HYAL1: variants seen among roughly 807,000 people sequenced by gnomAD.
HYAL1 encodes the protein hyaluronidase-1.
In HYAL1, 21 loss-of-function variants were observed where a neutral mutation model predicts 28.8. The observed-to-expected ratio is 0.73, with a 90% CI of 0.52 to 1.05. The LOEUF (loss-of-function observed/expected upper bound fraction) is 1.05, where lower values mean the gene tolerates loss of function less well. Ranked by LOEUF, HYAL1 falls within the 50% of genes least tolerant of loss-of-function variation. The pLI, the probability that HYAL1 is intolerant of heterozygous loss-of-function variation, is 0.00. For missense variants in HYAL1, 491 were observed against 579.2 expected, an observed-to-expected ratio of 0.85 and a Z score of 1.56; for synonymous variants, 200 against 230.1, an observed-to-expected ratio of 0.87 and a Z score of 1.18.
At chr3:50,306,654 A>T (rs1418799542), upstream of HYAL1, among the ~76,000 whole-genome samples, 1 of 151,120 alleles carries the variant, frequency 6.6e-6, no homozygotes, top group Non-Finnish European at 1.5e-5. Context: ...TGGGAGGCCG[A>T]GGTGGGCGGG....
At chr3:50,309,379 G>A (rs1409767370) in intron 2 of HYAL1, among the ~76,000 whole-genome samples, 3 of 146,288 alleles carry the variant, frequency 2.1e-5, no homozygotes, top group Admixed American at 7.2e-5. Flanking sequence ...CAGTAGAATC[G>A]CTTGAACCTG....
chr3:50,307,418 C>T (rs1041914853), upstream of HYAL1, among the ~76,000 whole-genome samples: 1 of 150,266 alleles, frequency 6.7e-6, no homozygotes, highest in South Asian at 2.1e-4. Context: ...CAGTGGCTCA[C>T]GCTTGTAATC....
upstream of HYAL1, among the ~76,000 whole-genome samples, chr3:50,305,168 C>G (rs1553713802): frequency 6.6e-6 from 1 of 152,216 alleles, no homozygotes; most frequent in Non-Finnish European, 1.5e-5. Context: ...TGCCTGTGAC[C>G]TGGAAGCCCC....
chr3:50,307,981 G>A (rs1255802815), upstream of HYAL1, among the ~76,000 whole-genome samples: 3 of 150,520 alleles, frequency 2.0e-5, no homozygotes, highest in African/African-American at 7.5e-5. Flanking sequence ...GTTTTTAGTA[G>A]AGACAGGGTT....
Position 50,302,783 on chromosome 3 carries a change from C to T in HYAL1, c.174G>A (p.Val58=). ...GVDVDVSVFD[V]VANPGQTFRG... is the part of the protein sequence containing the mutation. ...GGAAGGTCTGCCCTGGGTTGGCTAC[C>T]ACATCGAAGACACTGACATCCACGT... Residue 58 remains valine (V), a synonymous_variant, in exon 2 of 4, where the codon GTG becomes GTA. Coordinates refer to ENST00000395144, the MANE Select transcript of HYAL1 (RefSeq NM_033159.4). The surrounding 1 kb of genome is among the most constrained non-coding windows in gnomAD (Gnocchi z 5.0). 6.2e-7 allele frequency: 1 copy of T among 1,614,026 alleles called. No individual in the cohort carries two copies. Among genetic ancestry groups the T allele is most frequent in the Non-Finnish European group, 8.5e-7 (1 of 1,180,024 alleles).
At chr3:50,307,011 A>G (rs1553714071), upstream of HYAL1, among the ~76,000 whole-genome samples, 1 of 150,756 alleles carries the variant, frequency 6.6e-6, no homozygotes, top group African/African-American at 2.5e-5. Context: ...CGGAGGTTGC[A>G]GTGAGCTGAG....
chr3:50,301,251 C>A (rs1702144237), intron 2 of HYAL1, among the ~76,000 whole-genome samples, 174 bp from the exon 3 acceptor site: 1 of 152,204 alleles, frequency 6.6e-6, no homozygotes, highest in African/African-American at 2.4e-5. Context: ...CAGACAGGGA[C>A]TACATCATTC....
chr3:50,306,183 T>C (rs145087297), upstream of HYAL1, among the ~76,000 whole-genome samples: 857 of 150,556 alleles, frequency 5.7e-3, 30 homozygotes, highest in African/African-American at 0.02. Context: ...GATTTCTCAA[T>C]TGGTTGAGAT....
At chr3:50,309,206 G>A (rs916770677) in intron 2 of HYAL1, among the ~76,000 whole-genome samples, 1 of 150,870 alleles carries the variant, frequency 6.6e-6, no homozygotes, top group Non-Finnish European at 1.5e-5. Context: ...GCTCACTCCT[G>A]TAATCCCAGC....
At chr3:50,311,898 A>AC (rs1702471633) in intron 1 of HYAL1, among the ~76,000 whole-genome samples, 1 of 101,048 alleles carries the variant, frequency 9.9e-6, no homozygotes, top group African/African-American at 4.4e-5. Flanking sequence ...CGGGGGGCTG[A>AC]TCCCCCCTCC....
chr3:50,305,819 C>T (rs1271274322), upstream of HYAL1, among the ~76,000 whole-genome samples: 2 of 151,434 alleles, frequency 1.3e-5, no homozygotes, highest in African/African-American at 4.9e-5. Context: ...CAGGCTTGAG[C>T]CACCACGCTT....
At position 50,300,726 on chromosome 3, in the gene HYAL1, G is replaced by C. The variant is rs1702099272; in HGVS notation, c.1065C>G (p.Ala355=). Residue 355 remains alanine, a synonymous_variant, in exon 4 of 4, where the codon GCC becomes GCG. Transcript: ENST00000395144. ...GPFILNVTSG[A]LLCSQALCSG... ...AGCACAGGGCTTGACTGCAGAGAAGGGCCCCACTGGTCACGTTCAGGATGA... is the reference window on the plus strand; with the variant it reads ...AGCACAGGGCTTGACTGCAGAGAAGCGCCCCACTGGTCACGTTCAGGATGA... The C allele has an allele frequency of 1.9e-6, 3 of 1,614,120 alleles. No homozygotes were observed. The highest frequency in any genetic ancestry group is 2.5e-6 in the Non-Finnish European group (3 of 1,180,012).
At chr3:50,311,575 A>T (rs1191275171) in intron 1 of HYAL1, among the ~76,000 whole-genome samples, 3 of 103,678 alleles carry the variant, frequency 2.9e-5, no homozygotes, top group Admixed American at 1.1e-4. Flanking sequence ...CGGGGGGCTG[A>T]CCCCCCCACC....
chr3:50,300,676 C>A lies in HYAL1; in HGVS notation c.1115G>T (p.Arg372Leu). ...GAGGAGGGCTTTGGGGTGGCTGGTG[C>A]GGCGGACACAGCGGCCATGGCCGGA... is the stretch of plus-strand genomic sequence containing the variant. ...LCSGHGRCVR[R>L]TSHPKALLLL... Residue 372 changes from arginine to leucine, a missense_variant, in exon 4 of 4, where the codon CGC becomes CTC. Physicochemically the swap from Arg to Leu is moderately radical, Grantham distance 102 (BLOSUM62 -2). Coordinates refer to ENST00000395144, the MANE Select transcript of HYAL1 (RefSeq NM_033159.4). 6.2e-7 allele frequency: 1 copy of A among 1,613,654 alleles called. No homozygotes were observed. The highest frequency in any genetic ancestry group is 8.5e-7 in the Non-Finnish European group (1 of 1,179,816).
At chr3:50,303,175 G>A (rs1167959273) in intron 1 of HYAL1, 195 bp from the exon 2 acceptor site, 12 of 523,188 alleles carry the variant, frequency 2.3e-5, no homozygotes, top group Non-Finnish European at 4.0e-5. Flanking sequence ...CATCCGAGTT[G>A]CCTCTCAGAC....
upstream of HYAL1, among the ~76,000 whole-genome samples, chr3:50,304,289 AAAAAAAAATATATATATATATATATATAT>A (rs1325528483): frequency 2.8e-3 from 175 of 61,912 alleles, 18 homozygotes; most frequent in East Asian, 0.072. Flanking sequence ...AAAAAAAAAA[AAAAAAAAATATATATATATATATATATAT>A]ATATATATAT....
intron 1 of HYAL1, among the ~76,000 whole-genome samples, chr3:50,310,373 C>T (rs1206038885): frequency 6.7e-6 from 1 of 149,092 alleles, no homozygotes; most frequent in Non-Finnish European, 1.5e-5. Context: ...ACGCCATTCT[C>T]CTGCCTCAGC....
intron 2 of HYAL1, among the ~76,000 whole-genome samples, chr3:50,309,197 C>G (rs1702398786): frequency 6.6e-6 from 1 of 151,072 alleles, no homozygotes; most frequent in African/African-American, 2.5e-5. Flanking sequence ...GGCATGGTGG[C>G]TCACTCCTGT....
intron 3 of HYAL1, 27 bp downstream of exon 3, chr3:50,300,961 C>G (rs587672526): frequency 1.8e-6 from 1 of 543,204 alleles, no homozygotes; most frequent in South Asian, 1.5e-5. Flanking sequence ...TCCCCCACCC[C>G]CACCCTCATG....
Sources: gnomAD v4.1 joint callset for allele counts (sites outside exome capture counted in the v4.1 genomes callset) on GRCh38, gnomAD v4.1.1 for gene constraint, Gnocchi (gnomAD v3.1) non-coding constraint, MANE v1.5 for transcripts, NCBI Gene and HGNC (gene_info 2026-07-23, HGNC 2026-07-21) for gene names.